INPP4B: variants seen among roughly 807,000 people sequenced by gnomAD.
INPP4B encodes inositol polyphosphate-4-phosphatase type II B.
Under a neutral mutation model 122.5 loss-of-function variants are expected in INPP4B, and 55 were observed. That is an observed-to-expected ratio of 0.45 (90% confidence interval 0.36 to 0.56). The LOEUF (loss-of-function observed/expected upper bound fraction) is 0.56. Ranked by LOEUF, INPP4B falls within the 20% of genes least tolerant of loss-of-function variation. The pLI, the probability that INPP4B is intolerant of heterozygous loss-of-function variation, is 0.00. For missense variants in INPP4B, 1,000 were observed against 1,097.7 expected, an observed-to-expected ratio of 0.91 and a Z score of 1.26; for synonymous variants, 403 against 388.7, an observed-to-expected ratio of 1.04 and a Z score of -0.43.
At chr4:142,123,605 T>C (rs1183489123) in intron 19 of INPP4B, among the ~76,000 whole-genome samples, 190 bp from the exon 20 acceptor site, 2 of 152,114 alleles carry the variant, frequency 1.3e-5, no homozygotes, top group Non-Finnish European at 2.9e-5. Context: ...ATAAAAGTCT[T>C]GGGGAAGGTA....
At chr4:142,727,219 C>T (rs1336947047) in intron 1 of INPP4B, among the ~76,000 whole-genome samples, 14 of 152,248 alleles carry the variant, frequency 9.2e-5, no homozygotes, top group African/African-American at 2.9e-4. Flanking sequence ...GTCAACTGCT[C>T]GACTGCAGTG....
rs1396077497 is a variant in INPP4B at position 142,116,174 on chromosome 4, G to T, written c.2136-3492C>A. ...CAGATTCATAAAGCAAGTCCTTTGAGAAATACAAAGAGACTTAGACACCCA... is the reference window on the plus strand; with the variant it reads ...CAGATTCATAAAGCAAGTCCTTTGATAAATACAAAGAGACTTAGACACCCA... On this transcript the variant is annotated intron_variant, in intron 21 of 25. Transcript: ENST00000262992. Among the ~76,000 whole-genome samples, 3 of 152,114 alleles carry T rather than the reference G, an allele frequency of 2.0e-5. No individual in the cohort carries two copies. The East Asian group carries it at 5.8e-4, about 29-fold the overall frequency.
intron 25 of INPP4B, among the ~76,000 whole-genome samples, chr4:142,075,627 A>G (rs899097417): frequency 6.6e-6 from 1 of 151,978 alleles, no homozygotes; most frequent in Non-Finnish European, 1.5e-5. Context: ...TTAGAGAAAA[A>G]TGTTCTAAGG....
intron 2 of INPP4B, among the ~76,000 whole-genome samples, chr4:142,518,151 AATC>A (rs1313290448): frequency 6.6e-6 from 1 of 152,208 alleles, no homozygotes; most frequent in Non-Finnish European, 1.5e-5. Flanking sequence ...GCATTTAAAT[AATC>A]TCTTGGGGGC....
intron 25 of INPP4B, among the ~76,000 whole-genome samples, chr4:142,074,176 C>T (rs928160719): frequency 5.3e-5 from 8 of 152,074 alleles, no homozygotes; most frequent in African/African-American, 1.9e-4. Context: ...CTAAATGTAA[C>T]TTAAACACAA....
At chr4:142,490,220 G>C (rs1821709667) in intron 2 of INPP4B, among the ~76,000 whole-genome samples, 1 of 151,832 alleles carries the variant, frequency 6.6e-6, no homozygotes, top group South Asian at 2.1e-4. Flanking sequence ...GAGTAGCTTG[G>C]ACCACAAATG....
Position 142,542,492 on chromosome 4 carries a change from A to C in INPP4B, c.-190-79766T>G, listed in dbSNP as rs142163933. The stretch of plus-strand genomic sequence containing the variant: ...CTAGCAAATTTTATGTGTCTGATAC[A>C]ACATTTAAATTTCTGCTAATCTTTA... On this transcript the variant is annotated intron_variant, in intron 2 of 25. Transcript: ENST00000262992. Among the ~76,000 whole-genome samples, 1,192 of 152,332 alleles carry C rather than the reference A, an allele frequency of 7.8e-3. 27 individuals carry two copies. The highest frequency in any genetic ancestry group is 0.033 in the Admixed American group (505 of 15,294).
At chr4:142,159,989 G>A (rs182275137) in intron 17 of INPP4B, among the ~76,000 whole-genome samples, 31 of 152,106 alleles carry the variant, frequency 2.0e-4, no homozygotes, top group African/African-American at 7.5e-4. Flanking sequence ...TTGCAACAAT[G>A]AAAATACTTG....
intron 23 of INPP4B, chr4:142,096,238 T>C (rs1561102012): frequency 6.6e-6 from 1 of 152,042 alleles, no homozygotes; most frequent in African/African-American, 2.4e-5. Context: ...AGAGCCTCAG[T>C]GAAGAGAAAA....
intron 2 of INPP4B, among the ~76,000 whole-genome samples, chr4:142,616,495 A>T (rs1230572569): frequency 2.0e-5 from 3 of 152,120 alleles, no homozygotes; most frequent in African/African-American, 7.2e-5. Context: ...TCAATTTTTA[A>T]GGTGCTTAGC....
chr4:142,086,238 T>C lies in INPP4B; in HGVS notation c.2393A>G (p.Glu798Gly), dbSNP rs771099857. The C allele has an allele frequency of 6.4e-7, 1 of 1,562,192 alleles. No individual in the cohort carries two copies. The highest frequency in any genetic ancestry group is 1.7e-5 in the Admixed American group (1 of 59,870). ...MPPDYISHFQEQNDLKALLEN... is the reference protein window; with the variant it reads ...MPPDYISHFQGQNDLKALLEN... ...TAGCAATGCTTTTAAATCATTTTGT[T>C]CCTGAAAATGTGAAATATCTGAAGG... Residue 798 changes from glutamate to glycine, a missense_variant, in exon 24 of 26, where the codon GAA becomes GGA. Coordinates refer to ENST00000262992, the MANE Select transcript of INPP4B (RefSeq NM_001101669.3).
intron 18 of INPP4B, among the ~76,000 whole-genome samples, chr4:142,137,335 T>C (rs1393832002): frequency 7.1e-6 from 1 of 140,376 alleles, no homozygotes; most frequent in Non-Finnish European, 1.5e-5. Flanking sequence ...TAGCCATATG[T>C]AGAAAGCTGA....
chr4:142,205,694 G>A lies in INPP4B; in HGVS notation c.1072+2731C>T, dbSNP rs145301746. On this transcript the variant is annotated intron_variant, in intron 14 of 25. Transcript: ENST00000262992. ...AGCAGACTCAGCTCATGTAAAAAGC[G>A]GTAGTGCTACAATTCAAGCCCAGGG... 1.7e-3 allele frequency among the ~76,000 whole-genome samples: 261 copies of A among 152,238 alleles called. 1 individual carries two copies. Among genetic ancestry groups the A allele is most frequent in the African/African-American group, 5.8e-3 (240 of 41,564 alleles).
chr4:142,774,160 T>A (rs1402063765), intron 1 of INPP4B, among the ~76,000 whole-genome samples: 1 of 152,096 alleles, frequency 6.6e-6, no homozygotes, highest in Non-Finnish European at 1.5e-5. Context: ...ACTGTGTAAT[T>A]CCAAAATGAT....
chr4:142,361,960 A>G (rs1389676106), intron 7 of INPP4B, among the ~76,000 whole-genome samples: 1 of 152,044 alleles, frequency 6.6e-6, no homozygotes, highest in African/African-American at 2.4e-5. Flanking sequence ...TAAATATGAC[A>G]TGGCTAGTTC....
At chr4:142,156,475 T>C (rs961998320) in intron 17 of INPP4B, among the ~76,000 whole-genome samples, 2 of 152,156 alleles carry the variant, frequency 1.3e-5, no homozygotes, top group African/African-American at 4.8e-5. Flanking sequence ...TCATCTTAAC[T>C]GGCTAAAAGA....
At chr4:142,662,844 A>G (rs1755438131) in intron 2 of INPP4B, among the ~76,000 whole-genome samples, 1 of 152,234 alleles carries the variant, frequency 6.6e-6, no homozygotes, top group African/African-American at 2.4e-5. Flanking sequence ...AAAATTTGAC[A>G]TATTGGAGTT....
At chr4:142,205,425 T>A (rs1842228549) in intron 14 of INPP4B, among the ~76,000 whole-genome samples, 1 of 152,126 alleles carries the variant, frequency 6.6e-6, no homozygotes. Flanking sequence ...TCAAAATGCA[T>A]CTTTAAGTCA....
intron 12 of INPP4B, among the ~76,000 whole-genome samples, chr4:142,236,427 GATAA>G (rs1856720738): frequency 6.6e-6 from 1 of 152,104 alleles, no homozygotes; most frequent in Non-Finnish European, 1.5e-5. Flanking sequence ...CCCACTTCAG[GATAA>G]CTTGGCTTCT....
Sources: gnomAD v4.1 joint callset for allele counts (sites outside exome capture counted in the v4.1 genomes callset) on GRCh38, gnomAD v4.1.1 for gene constraint, MANE v1.5 for transcripts, NCBI Gene and HGNC (gene_info 2026-07-23, HGNC 2026-07-21) for gene names.